Variants in DHRSX observed in about 807,000 individuals in gnomAD.
The protein encoded by DHRSX is dehydrogenase/reductase X-linked, also known as polyprenol dehydrogenase.
DHRSX carries 31 observed loss-of-function variants against 34.0 expected under a neutral mutation model. The observed-to-expected ratio is 0.91, with a 90% CI of 0.69 to 1.23. The LOEUF is 1.23. DHRSX is among the 50% of genes most tolerant of loss of function. The pLI is 0.00. For missense variants in DHRSX, 414 were observed against 428.1 expected (o/e 0.97, Z 0.29); for synonymous variants, 201 against 183.8 (o/e 1.09, Z -0.76).
In DHRSX at chrX:2,487,446, C is replaced by A. The variant is rs1050166550; in HGVS notation, c.109+13371G>T. The stretch of plus-strand genomic sequence containing the variant: ...GTGGCGTAGTCTTGGCTCACTGCAA[C>A]CTCCACCTCCTGGGCTCAAGCGAAT... On this transcript the variant is annotated intron_variant, in intron 1 of 6. Coordinates refer to ENST00000334651, the MANE Select transcript of DHRSX (RefSeq NM_145177.3). The A allele has an allele frequency of 5.4e-4, 83 of 152,358 alleles. 1 individual carries two copies. The highest frequency in any genetic ancestry group is 1.8e-3 in the African/African-American group (75 of 41,574). The allele number at this position is 152,358 out of a possible 1,614,324, so 9.4% of individuals were successfully genotyped here.
chrX:2,467,826 T>G (rs760769407), intron 1 of DHRSX, among the ~76,000 whole-genome samples: 37 of 151,750 alleles, frequency 2.4e-4, no homozygotes, highest in Admixed American at 5.9e-4. Context: ...AATATAAAAT[T>G]AGCCAGGCAT....
intron 3 of DHRSX, among the ~76,000 whole-genome samples, chrX:2,326,223 A>C (rs2124540419): frequency 6.6e-6 from 1 of 152,260 alleles, no homozygotes; most frequent in East Asian, 1.9e-4. Flanking sequence ...GACAAGCCTA[A>C]GTAAGTTAAA....
At chrX:2,444,638 C>G (rs576019510) in intron 1 of DHRSX, among the ~76,000 whole-genome samples, 13 of 152,176 alleles carry the variant, frequency 8.5e-5, no homozygotes, top group African/African-American at 2.6e-4. Flanking sequence ...CCAGACGAAC[C>G]TGGGAAACAT....
In DHRSX at chrX:2,271,677, C is replaced by T. The variant is rs180798510; in HGVS notation, c.389-4730G>A. On this transcript the variant is annotated intron_variant, in intron 4 of 6. Coordinates refer to ENST00000334651, the MANE Select transcript of DHRSX (RefSeq NM_145177.3). The stretch of plus-strand genomic sequence containing the variant: ...ACATGTGTATTAAACATTCAACACT[C>T]CTACAGTCCTCAAAGCCCATCTAAC... Among the ~76,000 whole-genome samples, 355 of 152,290 alleles carry T rather than the reference C, an allele frequency of 2.3e-3. 3 individuals carry two copies. The highest frequency in any genetic ancestry group is 8.1e-3 in the African/African-American group (335 of 41,548).
rs181886926 is a variant in DHRSX, at chrX:2,261,103, G to A, written c.596+5637C>T. On this transcript the variant is annotated intron_variant, in intron 5 of 6. Coordinates refer to ENST00000334651, the MANE Select transcript of DHRSX (RefSeq NM_145177.3). Reference sequence around the variant, plus strand: ...TGCATGCCTGTAATCCCAGCTACTCGGGAGGCTGAGGTGGGAGAATCATTG... The same window carrying A: ...TGCATGCCTGTAATCCCAGCTACTCAGGAGGCTGAGGTGGGAGAATCATTG... Among the ~76,000 whole-genome samples, 4 of 152,094 alleles carry A rather than the reference G, an allele frequency of 2.6e-5. No homozygotes were observed. The South Asian group carries it at 6.2e-4, about 24-fold the overall frequency.
chrX:2,409,024 G>GGCAAAAAGTACAAATGCATT (rs1166819011), intron 2 of DHRSX, among the ~76,000 whole-genome samples: 1 of 152,182 alleles, frequency 6.6e-6, no homozygotes, highest in Non-Finnish European at 1.5e-5. Context: ...AGCCTGCATT[G>GGCAAAAAGTACAAATGCATT]GCAAAAAGTA....
intron 3 of DHRSX, among the ~76,000 whole-genome samples, chrX:2,295,550 T>C (rs1336281948): frequency 3.3e-5 from 5 of 152,168 alleles, no homozygotes; most frequent in Non-Finnish European, 5.9e-5. Context: ...GTTCTGTACA[T>C]GTATCCAGAA....
At chrX:2,479,134 C>T (rs2044729253) in intron 1 of DHRSX, among the ~76,000 whole-genome samples, 1 of 147,484 alleles carries the variant, frequency 6.8e-6, no homozygotes, top group South Asian at 2.2e-4. Context: ...TGTTCGCTAA[C>T]AATGCAGCCA....
At chrX:2,309,314 T>C (rs141518340) in intron 3 of DHRSX, among the ~76,000 whole-genome samples, 2 of 152,262 alleles carry the variant, frequency 1.3e-5, no homozygotes, top group South Asian at 2.1e-4. Context: ...GTGAAATTTA[T>C]GCTGTTCTGA....
intron 3 of DHRSX, among the ~76,000 whole-genome samples, chrX:2,329,643 G>C (rs762197343): frequency 1.3e-5 from 2 of 152,204 alleles, no homozygotes; most frequent in South Asian, 2.1e-4. Flanking sequence ...TTTGAAAAGT[G>C]AACCTATGAA....
At chrX:2,445,897 G>C (rs1429038972) in intron 1 of DHRSX, among the ~76,000 whole-genome samples, 1 of 150,648 alleles carries the variant, frequency 6.6e-6, no homozygotes, top group Admixed American at 6.6e-5. Flanking sequence ...CACTGAAGAT[G>C]TTCCCTAAGA....
intron 1 of DHRSX, chrX:2,490,478 C>T (rs1445007005): frequency 6.2e-7 from 1 of 1,613,888 alleles, no homozygotes; most frequent in Non-Finnish European, 8.5e-7. Flanking sequence ...CTCCGTGTTG[C>T]TCTTGACGAA....
intron 5 of DHRSX, among the ~76,000 whole-genome samples, chrX:2,255,008 G>A (rs1472622231): frequency 3.7e-5 from 5 of 134,706 alleles, no homozygotes; most frequent in Admixed American, 8.1e-5. Flanking sequence ...TGCCCAGGCC[G>A]GGCTGGAGTG....
At chrX:2,434,887 T>A (rs1054066507) in intron 1 of DHRSX, among the ~76,000 whole-genome samples, 10 of 152,196 alleles carry the variant, frequency 6.6e-5, no homozygotes, top group African/African-American at 9.7e-5. Context: ...CATCTTATTG[T>A]TCTTAGCAAC....
intron 1 of DHRSX, among the ~76,000 whole-genome samples, chrX:2,451,865 G>A (rs2044223431): frequency 6.6e-6 from 1 of 152,110 alleles, no homozygotes; most frequent in Non-Finnish European, 1.5e-5. Context: ...ACACACTGAA[G>A]ACGCTCCCTA....
At chrX:2,321,054 G>C (rs1383240996) in intron 3 of DHRSX, among the ~76,000 whole-genome samples, 5 of 152,098 alleles carry the variant, frequency 3.3e-5, no homozygotes, top group African/African-American at 1.2e-4. Context: ...GCCGAACACT[G>C]GCTCTGAAAA....
chrX:2,333,806 T>G (rs1286895419), intron 3 of DHRSX, among the ~76,000 whole-genome samples: 1 of 152,132 alleles, frequency 6.6e-6, no homozygotes, highest in Non-Finnish European at 1.5e-5. Flanking sequence ...CCACCTTTAC[T>G]CAATGTTGAA....
chrX:2,451,730 G>T (rs1282194838), intron 1 of DHRSX, among the ~76,000 whole-genome samples: 3 of 152,176 alleles, frequency 2.0e-5, no homozygotes, highest in Non-Finnish European at 2.9e-5. Context: ...AGAAACAAAA[G>T]CAGCTTACAG....
intron 1 of DHRSX, among the ~76,000 whole-genome samples, chrX:2,463,358 C>T (rs1012102386): frequency 2.6e-5 from 4 of 152,046 alleles, no homozygotes; most frequent in African/African-American, 7.2e-5. Context: ...GAAAGGTGCA[C>T]GAAGGCAGTG....
Sources: allele counts gnomAD v4.1 joint callset (sites outside exome capture counted in the v4.1 genomes callset), GRCh38; gene constraint gnomAD v4.1.1; transcripts MANE v1.5; gene names NCBI Gene and HGNC (gene_info 2026-07-23, HGNC 2026-07-21).